Variants in CSTPP1 observed in about 807,000 individuals in gnomAD.
The protein encoded by CSTPP1 is centriolar satellite-associated tubulin polyglutamylase complex regulator 1, also known as UPF0705 protein C11orf49.
the CSTPP1 span, among the ~76,000 whole-genome samples, chr11:47,055,848 C>G: frequency 6.6e-6 from 1 of 152,180 alleles, no homozygotes; most frequent in African/African-American, 2.4e-5. Context: ...ATTTCCCTTA[C>G]AGAATAAATG....
chr11:46,994,479 G>C, the CSTPP1 span, among the ~76,000 whole-genome samples: 1 of 152,132 alleles, frequency 6.6e-6, no homozygotes. Flanking sequence ...AGAGTTTTTA[G>C]CAGGAAGGGC....
At chr11:47,131,786 G>A in the CSTPP1 span, among the ~76,000 whole-genome samples, 2 of 152,102 alleles carry the variant, frequency 1.3e-5, no homozygotes, top group Non-Finnish European at 2.9e-5. Flanking sequence ...AGACCAGCCT[G>A]GCCAACATGG....
At chr11:47,119,282 C>T in the CSTPP1 span, among the ~76,000 whole-genome samples, 1 of 152,258 alleles carries the variant, frequency 6.6e-6, no homozygotes, top group Non-Finnish European at 1.5e-5. Flanking sequence ...GAGAGAATCA[C>T]CTTGTCTGCC....
the CSTPP1 span, among the ~76,000 whole-genome samples, chr11:47,036,435 A>G: frequency 8.6e-6 from 1 of 115,866 alleles, no homozygotes; most frequent in Non-Finnish European, 2.0e-5. Context: ...CCTCAGGCTA[A>G]AACAACTCTA....
the CSTPP1 span, among the ~76,000 whole-genome samples, chr11:46,954,691 G>C: frequency 6.6e-6 from 1 of 151,762 alleles, no homozygotes; most frequent in Non-Finnish European, 1.5e-5. Flanking sequence ...CTTAACTACA[G>C]AATTTTAAAA....
the CSTPP1 span, chr11:47,161,019 T>C: frequency 2.1e-6 from 3 of 1,442,704 alleles, no homozygotes; most frequent in Non-Finnish European, 2.9e-6. Flanking sequence ...AGATCGGCCC[T>C]CGCAGGGTCA....
At chr11:47,038,576 G>A in the CSTPP1 span, among the ~76,000 whole-genome samples, 29 of 106,934 alleles carry the variant, frequency 2.7e-4, no homozygotes, top group Admixed American at 6.6e-4. Flanking sequence ...CTGGCCGGGC[G>A]GGGGGCTGAT....
the CSTPP1 span, among the ~76,000 whole-genome samples, chr11:47,152,645 G>A: frequency 6.6e-6 from 1 of 152,228 alleles, no homozygotes; most frequent in Non-Finnish European, 1.5e-5. Context: ...AGACAGTGGT[G>A]ATGGTGGCGC....
At chr11:46,936,768 C>A in the CSTPP1 span, 1 of 1,608,114 alleles carries the variant, frequency 6.2e-7, no homozygotes, top group South Asian at 1.1e-5. Flanking sequence ...GTTCCGGAAG[C>A]CGGAGAGCTG....
At chr11:46,974,502 G>A in the CSTPP1 span, among the ~76,000 whole-genome samples, 1 of 147,286 alleles carries the variant, frequency 6.8e-6, no homozygotes, top group African/African-American at 2.5e-5. Flanking sequence ...ACTCCAGCCT[G>A]GGCAAAAGAG....
the CSTPP1 span, among the ~76,000 whole-genome samples, chr11:47,035,247 G>A: frequency 6.6e-6 from 1 of 152,168 alleles, no homozygotes; most frequent in Non-Finnish European, 1.5e-5. Flanking sequence ...TGTATGTCAA[G>A]CAATTCAACT....
chr11:47,066,654 C>T, the CSTPP1 span, among the ~76,000 whole-genome samples: 3 of 152,254 alleles, frequency 2.0e-5, no homozygotes, highest in Admixed American at 2.0e-4. Flanking sequence ...CAACAATAAG[C>T]GATGAGGTAT....
chr11:47,152,625 T>G, the CSTPP1 span, among the ~76,000 whole-genome samples: 1 of 152,264 alleles, frequency 6.6e-6, no homozygotes, highest in Admixed American at 6.5e-5. Context: ...TGGAGGTAAC[T>G]TCTGTAATTA....
the CSTPP1 span, among the ~76,000 whole-genome samples, chr11:47,083,596 C>T: frequency 1.3e-5 from 2 of 152,030 alleles, no homozygotes; most frequent in African/African-American, 4.8e-5. Context: ...CACATTCTTG[C>T]CAGCATTTGA....
the CSTPP1 span, among the ~76,000 whole-genome samples, chr11:47,121,721 CTG>C: frequency 6.6e-6 from 1 of 152,228 alleles, no homozygotes; most frequent in East Asian, 1.9e-4. Flanking sequence ...CTCTGCCACA[CTG>C]TTCCCAGGAG....
chr11:47,159,559 GGGGA>G, the CSTPP1 span: 1 of 451,732 alleles, frequency 2.2e-6, no homozygotes, highest in African/African-American at 2.0e-5. Flanking sequence ...CAAGAGTAAG[GGGGA>G]GGCGGGTGGG....
chr11:47,082,710 C>T, the CSTPP1 span, among the ~76,000 whole-genome samples: 1 of 152,050 alleles, frequency 6.6e-6, no homozygotes, highest in Non-Finnish European at 1.5e-5. Flanking sequence ...TTAGCAGTAA[C>T]TCCCCTTTTT....
At chr11:46,964,289 C>CGT in the CSTPP1 span, among the ~76,000 whole-genome samples, 1 of 141,872 alleles carries the variant, frequency 7.0e-6, no homozygotes. Flanking sequence ...CTCTCTCTCT[C>CGT]TTTTTTTTTT....
chr11:47,161,313 G>T, the CSTPP1 span: 1 of 1,592,086 alleles, frequency 6.3e-7, no homozygotes. Flanking sequence ...GGAAGGGTCT[G>T]GGGGCCAGTG....
Sources: gnomAD v4.1 joint callset for allele counts (sites outside exome capture counted in the v4.1 genomes callset) on GRCh38, gnomAD v4.1.1 for gene constraint, MANE v1.5 for transcripts, NCBI Gene and HGNC (gene_info 2026-07-23, HGNC 2026-07-21) for gene names.